Variants in ASXL3 observed in about 807,000 individuals in gnomAD.
ASXL3 encodes ASXL transcriptional regulator 3.
Under a neutral mutation model 170.6 loss-of-function variants are expected in ASXL3, and 34 were observed. The ratio of observed to expected loss-of-function variants is 0.20; its 90% CI spans 0.15 to 0.27. ASXL3 has a LOEUF of 0.27. ASXL3 is among the 10% of genes least tolerant of loss of function. The probability of loss-of-function intolerance (pLI) is 1.00; values close to 1 mark genes in which losing one functional copy is unlikely to be tolerated. For missense variants in ASXL3, 2,592 were observed against 2,695.3 expected (o/e 0.96, Z 0.85); for synonymous variants, 1,002 against 989.1 (o/e 1.01, Z -0.24).
intron 8 of ASXL3, among the ~76,000 whole-genome samples, chr18:33,726,326 AT>A (rs749714096): frequency 6.6e-6 from 1 of 152,072 alleles, no homozygotes; most frequent in East Asian, 1.9e-4. Context: ...AGCTACTATC[AT>A]TTTTTTCCTG....
chr18:33,654,714 C>A lies in ASXL3; in HGVS notation c.356-6902C>A, dbSNP rs533088575. Reference sequence around the variant, plus strand: ...TATAAAATAAATAAGCCTCTGATGTCATTTTTCCCACACAAACAGCATATA... The same window carrying A: ...TATAAAATAAATAAGCCTCTGATGTAATTTTTCCCACACAAACAGCATATA... On this transcript the variant is annotated intron_variant, in intron 4 of 11. Transcript: ENST00000269197. Among the ~76,000 whole-genome samples, 16 of 151,638 alleles carry A rather than the reference C, an allele frequency of 1.1e-4. No individual in the cohort carries two copies. In the East Asian group the frequency reaches 2.2e-3, roughly 21 times the overall value.
At chr18:33,652,831 G>T (rs1838197292) in intron 4 of ASXL3, among the ~76,000 whole-genome samples, 2 of 151,906 alleles carry the variant, frequency 1.3e-5, no homozygotes, top group Non-Finnish European at 2.9e-5. Flanking sequence ...AGTTTGAGGG[G>T]TCTTTTATCA....
At chr18:33,627,891 T>G (rs756483373) in intron 2 of ASXL3, among the ~76,000 whole-genome samples, 11 of 152,186 alleles carry the variant, frequency 7.2e-5, no homozygotes, top group Non-Finnish European at 1.2e-4. Flanking sequence ...GTATTTTCCT[T>G]TAGACTAATG....
intron 2 of ASXL3, among the ~76,000 whole-genome samples, chr18:33,627,986 A>G (rs1395265289): frequency 1.3e-5 from 2 of 152,180 alleles, no homozygotes; most frequent in African/African-American, 2.4e-5. Context: ...GAAAACACAG[A>G]TGTATGTGTC....
intron 4 of ASXL3, among the ~76,000 whole-genome samples, chr18:33,659,328 AT>A (rs1466608958): frequency 3.3e-5 from 5 of 152,090 alleles, no homozygotes; most frequent in East Asian, 3.9e-4. Context: ...GCATTCTCAT[AT>A]TTTCCCTAAG....
At chr18:33,609,015 A>G (rs2065293668) in intron 2 of ASXL3, 1 of 984,742 alleles carries the variant, frequency 1.0e-6, no homozygotes, top group Admixed American at 6.2e-5. Flanking sequence ...CTAAGATAAT[A>G]TAACCACGCT....
intron 4 of ASXL3, among the ~76,000 whole-genome samples, chr18:33,650,699 A>G (rs1279777269): frequency 6.6e-6 from 1 of 152,118 alleles, no homozygotes; most frequent in Non-Finnish European, 1.5e-5. Flanking sequence ...ATACCCAAAC[A>G]TATCCAGCTA....
At chr18:33,669,408 A>G (rs945830540) in intron 5 of ASXL3, among the ~76,000 whole-genome samples, 1 of 152,200 alleles carries the variant, frequency 6.6e-6, no homozygotes, top group Non-Finnish European at 1.5e-5. Flanking sequence ...GTCTTATGTT[A>G]TCATTAGCAA....
Position 33,589,207 on chromosome 18 carries a change from A to G in ASXL3, c.54+10522A>G, listed in dbSNP as rs558874411. ...CTCTCAATTTTATTTCTATTGTTTA[A>G]TAAAGGAATAATAATATCTACCGTA... is the stretch of plus-strand genomic sequence containing the variant. On this transcript the variant is annotated intron_variant, in intron 1 of 11. Coordinates refer to ENST00000269197, the MANE Select transcript of ASXL3 (RefSeq NM_030632.3). Among the ~76,000 whole-genome samples the G allele has an allele frequency of 1.7e-3, 262 of 152,294 alleles. 2 individuals carry two copies. The highest frequency in any genetic ancestry group is 3.1e-3 in the Admixed American group (47 of 15,304).
In ASXL3 at chr18:33,739,886, T is replaced by C; in HGVS notation, c.2482T>C (p.Leu828=). Residue 828 remains leucine (L), a synonymous_variant, in exon 11 of 12, where the codon TTG becomes CTG. Transcript: ENST00000269197. ...TCCTGAAGCATTTCCGTCTGAAGATTTGCACAATAAGACCCTGAGTCAGCA... is the reference window on the plus strand; with the variant it reads ...TCCTGAAGCATTTCCGTCTGAAGATCTGCACAATAAGACCCTGAGTCAGCA... ...IAPEAFPSED[L]HNKTLSQQTC... is the part of the protein sequence containing the mutation. 1 of 1,613,934 alleles carries C rather than the reference T, an allele frequency of 6.2e-7. No individual in the cohort carries two copies. The highest frequency in any genetic ancestry group is 8.5e-7 in the Non-Finnish European group (1 of 1,179,864).
At chr18:33,714,495 A>G (rs1408449298) in intron 8 of ASXL3, among the ~76,000 whole-genome samples, 2 of 152,190 alleles carry the variant, frequency 1.3e-5, no homozygotes. Context: ...AGGAACATTA[A>G]GAGATCTATT....
At chr18:33,581,390 AAGAG>A (rs1045358056) in intron 1 of ASXL3, among the ~76,000 whole-genome samples, 4 of 152,050 alleles carry the variant, frequency 2.6e-5, no homozygotes, top group Admixed American at 6.6e-5. Flanking sequence ...AAATGAACTA[AAGAG>A]AGAGTACTCA....
intron 8 of ASXL3, among the ~76,000 whole-genome samples, chr18:33,723,744 A>T (rs1448576245): frequency 1.3e-5 from 2 of 152,178 alleles, no homozygotes; most frequent in Admixed American, 1.3e-4. Flanking sequence ...ATCAAACAGC[A>T]TCACATGCTA....
intron 8 of ASXL3, among the ~76,000 whole-genome samples, chr18:33,713,248 G>GTTTTTTTTTTTTTTTTTTTTTTT (rs1226619353): frequency 1.5e-5 from 1 of 65,086 alleles, no homozygotes; most frequent in African/African-American, 6.2e-5. Context: ...GTTTTGTTTT[G>GTTTTTTTTTTTTTTTTTTTTTTT]TTTTTTTTTT....
At chr18:33,588,359 GTT>G (rs375681396) in intron 1 of ASXL3, among the ~76,000 whole-genome samples, 4 of 142,392 alleles carry the variant, frequency 2.8e-5, no homozygotes, top group Non-Finnish European at 1.5e-5. Flanking sequence ...AAAGGAGCAG[GTT>G]TTTTTTTTTT....
intron 8 of ASXL3, among the ~76,000 whole-genome samples, chr18:33,710,012 T>G (rs1341909504): frequency 6.6e-6 from 1 of 152,086 alleles, no homozygotes; most frequent in Non-Finnish European, 1.5e-5. Context: ...TCCCAGCACT[T>G]TGGGAGGCTG....
chr18:33,624,645 T>G (rs1446420689), intron 2 of ASXL3, among the ~76,000 whole-genome samples: 1 of 152,138 alleles, frequency 6.6e-6, no homozygotes, highest in Non-Finnish European at 1.5e-5. Flanking sequence ...AAGGGATGTG[T>G]CTTAAAGTCC....
chr18:33,734,465 G>A, intron 10 of ASXL3, 50 bp downstream of exon 10: 13 of 1,253,936 alleles, frequency 1.0e-5, no homozygotes, highest in Non-Finnish European at 1.5e-5. Context: ...AAATGAAAAT[G>A]TAATTCTCTG....
rs2067820622 is a variant in ASXL3 at position 33,747,794 on chromosome 18, C to CA, written c.*1201dup. ...TTTTGTTTTTTCCCTCAGGTATATT[C>CA]AATACATTCTTCATATTTGGGGGAA... On this transcript the variant is annotated 3_prime_UTR_variant, in exon 12 of 12. Coordinates refer to ENST00000269197, the MANE Select transcript of ASXL3 (RefSeq NM_030632.3). 2.0e-5 allele frequency: 3 copies of CA among 152,186 alleles called. No individual in the cohort carries two copies. In the South Asian group the frequency reaches 6.2e-4, roughly 32 times the overall value. 9.4% of individuals were successfully genotyped at this position (152,186 alleles called of 1,614,324 possible). A position where few individuals can be genotyped will look rare whatever the true frequency, so the allele number is the denominator to read the frequency against.
Sources: allele counts gnomAD v4.1 joint callset (sites outside exome capture counted in the v4.1 genomes callset), GRCh38; gene constraint gnomAD v4.1.1; transcripts MANE v1.5; gene names NCBI Gene and HGNC (gene_info 2026-07-23, HGNC 2026-07-21).